Variants in ANO6 observed in about 807,000 individuals in gnomAD.
ANO6 encodes the protein anoctamin-6.
In ANO6, 106 loss-of-function variants were observed where a neutral mutation model predicts 117.5. The ratio of observed to expected loss-of-function variants is 0.90; its 90% CI spans 0.77 to 1.06. The LOEUF (loss-of-function observed/expected upper bound fraction) is 1.06, where lower values mean the gene tolerates loss of function less well. ANO6 is among the 50% of genes least tolerant of loss of function. The probability of loss-of-function intolerance (pLI) is 0.00; values close to 1 mark genes in which losing one functional copy is unlikely to be tolerated. For missense variants in ANO6, 955 were observed against 1,121.1 expected (o/e 0.85, Z 2.12); for synonymous variants, 367 against 385.1 (o/e 0.95, Z 0.55).
chr12:45,375,012 G>A (rs928963156), intron 9 of ANO6, among the ~76,000 whole-genome samples: 3 of 151,458 alleles, frequency 2.0e-5, no homozygotes, highest in African/African-American at 7.3e-5. Context: ...AAAGTCTCAG[G>A]ATACAAAATC....
chr12:45,429,742 A>C lies in ANO6; in HGVS notation c.*431A>C. 1 of 1,033,916 alleles carries C rather than the reference A, an allele frequency of 9.7e-7. No individual in the cohort carries two copies. Among genetic ancestry groups the C allele is most frequent in the Non-Finnish European group, 1.2e-6 (1 of 861,172 alleles). The allele number at this position is 1,033,916 out of a possible 1,614,324, so 64.0% of individuals were successfully genotyped here. On this transcript the variant is annotated 3_prime_UTR_variant, in exon 20 of 20. Transcript: ENST00000320560. ...TCTGTTCCAGGGTCATCTTTTCCTT[A>C]CAGTACCATCATTATAGATTTAATT...
chr12:45,330,545 A>G (rs1940629063), intron 2 of ANO6, among the ~76,000 whole-genome samples: 1 of 152,134 alleles, frequency 6.6e-6, no homozygotes, highest in Non-Finnish European at 1.5e-5. Context: ...AATTAGAACA[A>G]TTCTATCCAA....
intron 1 of ANO6, 83 bp downstream of exon 1, chr12:45,216,474 C>T (rs1249970273): frequency 1.3e-6 from 2 of 1,483,868 alleles, no homozygotes; most frequent in South Asian, 1.2e-5. Context: ...GGGCGCTGTG[C>T]TCTCCGCGGG....
At chr12:45,271,265 T>C (rs1051404944) in intron 1 of ANO6, among the ~76,000 whole-genome samples, 1 of 152,190 alleles carries the variant, frequency 6.6e-6, no homozygotes. Context: ...AAAGGGAGTA[T>C]TGTGGCATTA....
At chr12:45,313,494 G>A (rs929350323) in intron 2 of ANO6, 1 of 152,022 alleles carries the variant, frequency 6.6e-6, no homozygotes, top group African/African-American at 2.4e-5. Context: ...GCTTGTGGTT[G>A]GCTAAGCACA....
intron 1 of ANO6, among the ~76,000 whole-genome samples, chr12:45,280,553 C>T (rs1938693057): frequency 6.6e-6 from 1 of 152,200 alleles, no homozygotes; most frequent in Non-Finnish European, 1.5e-5. Context: ...TCTGGGAAAA[C>T]ATTGCCTTGG....
At chr12:45,217,249 A>C (rs1947330314) in intron 1 of ANO6, among the ~76,000 whole-genome samples, 1 of 152,198 alleles carries the variant, frequency 6.6e-6, no homozygotes, top group Non-Finnish European at 1.5e-5. Flanking sequence ...ATGATGATAT[A>C]ATGTGTCCCT....
intron 12 of ANO6, among the ~76,000 whole-genome samples, chr12:45,396,530 A>G (rs150782659): frequency 6.6e-6 from 1 of 152,352 alleles, no homozygotes; most frequent in African/African-American, 2.4e-5. Flanking sequence ...TTGCCAAGAC[A>G]ATCCTAAGCA....
At chr12:45,297,507 G>A (rs1939334222) in intron 1 of ANO6, among the ~76,000 whole-genome samples, 1 of 152,142 alleles carries the variant, frequency 6.6e-6, no homozygotes, top group Admixed American at 6.5e-5. Flanking sequence ...TTGGGACAAT[G>A]GATGTTAGTT....
intron 2 of ANO6, among the ~76,000 whole-genome samples, chr12:45,321,163 T>C (rs1940255473): frequency 6.6e-6 from 1 of 152,174 alleles, no homozygotes; most frequent in Non-Finnish European, 1.5e-5. Flanking sequence ...TAAATGAAGA[T>C]GATTCAGTCT....
At chr12:45,314,984 A>G (rs1939974349) in intron 2 of ANO6, among the ~76,000 whole-genome samples, 1 of 152,028 alleles carries the variant, frequency 6.6e-6, no homozygotes, top group Admixed American at 6.6e-5. Flanking sequence ...TTGAGCCTAG[A>G]GTTGATCTTG....
chr12:45,261,866 C>G (rs1236068678), intron 1 of ANO6, among the ~76,000 whole-genome samples: 1 of 152,226 alleles, frequency 6.6e-6, no homozygotes, highest in East Asian at 1.9e-4. Context: ...AGAGCAAAAG[C>G]TAAATAATAC....
intron 15 of ANO6, among the ~76,000 whole-genome samples, chr12:45,405,764 C>G (rs1942917223): frequency 6.6e-6 from 1 of 152,074 alleles, no homozygotes; most frequent in Non-Finnish European, 1.5e-5. Flanking sequence ...ACAAAATTAG[C>G]CAGACATTTG....
At chr12:45,423,132 A>C in intron 19 of ANO6, 70 bp downstream of exon 19, 1 of 1,098,744 alleles carries the variant, frequency 9.1e-7, no homozygotes, top group Non-Finnish European at 1.4e-6. Context: ...AGTGTTGCCA[A>C]CTCCATACTT....
intron 1 of ANO6, among the ~76,000 whole-genome samples, chr12:45,286,934 C>T (rs1938935803): frequency 1.3e-5 from 2 of 152,152 alleles, no homozygotes; most frequent in South Asian, 4.1e-4. Context: ...TCAGGTCTGT[C>T]TTACTCCAGC....
intron 4 of ANO6, 74 bp downstream of exon 4, chr12:45,347,161 G>C: frequency 1.4e-6 from 2 of 1,430,560 alleles, no homozygotes; most frequent in Admixed American, 3.4e-5. Flanking sequence ...GGAATACTTG[G>C]GTGACATTGG....
chr12:45,223,763 G>T (rs974982994), intron 1 of ANO6, among the ~76,000 whole-genome samples: 4 of 152,092 alleles, frequency 2.6e-5, no homozygotes, highest in Non-Finnish European at 5.9e-5. Context: ...TAATTTTTAA[G>T]AGTTGTCTCT....
chr12:45,361,692 T>C (rs2137488356), intron 8 of ANO6, among the ~76,000 whole-genome samples: 1 of 152,264 alleles, frequency 6.6e-6, no homozygotes, highest in Middle Eastern at 3.4e-3. Flanking sequence ...GTGTTTTTAA[T>C]CATGGAATGA....
Position 45,332,049 on chromosome 12 carries a change from T to A in ANO6, c.279+626T>A, listed in dbSNP as rs377610599. Among the ~76,000 whole-genome samples the A allele has an allele frequency of 2.3e-4, 35 of 152,134 alleles. No homozygotes were observed. The East Asian group carries it at 4.7e-3, about 20-fold the overall frequency. On this transcript the variant is annotated intron_variant, in intron 3 of 19. Transcript: ENST00000320560. ...CATTGCCAGTCAAGCTGCTCTCTTC[T>A]CCCTTTCCTTTGCACCAAGCTTTTT...
Sources: gnomAD v4.1 joint callset for allele counts (sites outside exome capture counted in the v4.1 genomes callset) on GRCh38, gnomAD v4.1.1 for gene constraint, MANE v1.5 for transcripts, NCBI Gene and HGNC (gene_info 2026-07-23, HGNC 2026-07-21) for gene names.